The following CUX1 variants were observed in gnomAD, a reference collection of about 807,000 sequenced individuals.
CUX1 encodes the protein cut like homeobox 1, also known as protein CASP.
A neutral mutation model predicts 158.8 loss-of-function variants in CUX1; 31 were observed. That is an observed-to-expected ratio of 0.20 (90% CI 0.15 to 0.26). CUX1 has a LOEUF of 0.26. Ranked by LOEUF, CUX1 falls within the 10% of genes least tolerant of loss-of-function variation. The pLI is 1.00. For synonymous variants in CUX1, 879 were observed against 862.1 expected (o/e 1.02, Z -0.34); for missense variants, 1,589 against 2,014.6 (o/e 0.79, Z 4.04).
chr7:102,219,643 C>T (rs1423810236), intron 20 of CUX1, among the ~76,000 whole-genome samples: 1 of 152,168 alleles, frequency 6.6e-6, no homozygotes, highest in Non-Finnish European at 1.5e-5. Flanking sequence ...CTGGGTACGT[C>T]TCTGATATTC....
At chr7:101,918,881 C>T (rs746208449) in intron 2 of CUX1, among the ~76,000 whole-genome samples, 14 of 152,224 alleles carry the variant, frequency 9.2e-5, no homozygotes, top group Non-Finnish European at 1.3e-4. Context: ...CTCCTGGGTT[C>T]AAGTGATTCT....
chr7:101,966,806 C>T (rs1211376770), intron 2 of CUX1, among the ~76,000 whole-genome samples: 1 of 152,022 alleles, frequency 6.6e-6, no homozygotes, highest in African/African-American at 2.4e-5. Flanking sequence ...CCCTTCTGAT[C>T]AGGTGCACAG....
At chr7:101,983,311 T>C (rs774771254) in intron 2 of CUX1, among the ~76,000 whole-genome samples, 104 of 152,200 alleles carry the variant, frequency 6.8e-4, no homozygotes, top group Non-Finnish European at 1.2e-3. Flanking sequence ...AAGCAGCTAT[T>C]TGCATAAACC....
At chr7:101,826,391 A>G (rs1259949521) in intron 1 of CUX1, among the ~76,000 whole-genome samples, 1 of 151,348 alleles carries the variant, frequency 6.6e-6, no homozygotes, top group African/African-American at 2.4e-5. Context: ...TTTTAGAGAC[A>G]GGGTTTTGCC....
At position 102,255,229 on chromosome 7, in the gene CUX1, C is replaced by G. The variant is rs1349991161; in HGVS notation, c.*6187C>G. On this transcript the variant is annotated 3_prime_UTR_variant, in exon 24 of 24. Transcript: ENST00000292535. ...CCCAGGCCTCTCCCACCACCACCTT[C>G]CCTCCAAAGATAACCGTGTCCATGC... 6 of 985,342 alleles carry G rather than the reference C, an allele frequency of 6.1e-6. No individual in the cohort carries two copies. In the African/African-American group the frequency reaches 8.7e-5, roughly 14 times the overall value. The allele number at this position is 985,342 out of a possible 1,614,324, so 61.0% of individuals were successfully genotyped here.
intron 3 of CUX1, among the ~76,000 whole-genome samples, chr7:102,031,352 C>T (rs973394418): frequency 3.3e-5 from 5 of 152,110 alleles, no homozygotes; most frequent in East Asian, 1.9e-4. Context: ...CATGAGCCAC[C>T]GCGCCTGGCC....
At chr7:102,269,331 C>T (rs1791038884) in intron 14 of CUX1, among the ~76,000 whole-genome samples, 1 of 152,014 alleles carries the variant, frequency 6.6e-6, no homozygotes, top group Non-Finnish European at 1.5e-5. Context: ...TATATAATTC[C>T]ACCCCTGCCC....
intron 14 of CUX1, among the ~76,000 whole-genome samples, chr7:102,268,780 C>T (rs940408188): frequency 9.2e-5 from 14 of 151,586 alleles, no homozygotes; most frequent in Admixed American, 4.0e-4. Flanking sequence ...TGAGACATGG[C>T]GAGGCCAGGA....
intron 20 of CUX1, among the ~76,000 whole-genome samples, chr7:102,213,383 G>A (rs1225646344): frequency 2.0e-5 from 3 of 152,190 alleles, no homozygotes; most frequent in African/African-American, 7.2e-5. Flanking sequence ...AGACTATAGG[G>A]CCTAGGTCAT....
chr7:101,929,253 T>C (rs1180422626), intron 2 of CUX1, among the ~76,000 whole-genome samples: 2 of 152,226 alleles, frequency 1.3e-5, no homozygotes, highest in South Asian at 4.1e-4. Context: ...CCCTAGTTTC[T>C]ACTGCGGACT....
intron 12 of CUX1, among the ~76,000 whole-genome samples, chr7:102,190,918 A>G (rs77689955): frequency 0.065 from 9,903 of 151,278 alleles, 443 homozygotes; most frequent in African/African-American, 0.12. Context: ...TCTTGCTGCT[A>G]TTTTCCATTT....
At chr7:101,863,471 C>G (rs1797668234) in intron 1 of CUX1, among the ~76,000 whole-genome samples, 1 of 152,004 alleles carries the variant, frequency 6.6e-6, no homozygotes. Context: ...CTGCCTCAGC[C>G]TCCCGAGTAG....
intron 1 of CUX1, among the ~76,000 whole-genome samples, chr7:101,877,569 C>T (rs571232361): frequency 2.6e-5 from 4 of 152,272 alleles, no homozygotes; most frequent in East Asian, 3.9e-4. Context: ...CACGTGTAAT[C>T]CCAGCTACTG....
At chr7:102,167,286 GA>G (rs1374540189) in intron 9 of CUX1, among the ~76,000 whole-genome samples, 3 of 151,074 alleles carry the variant, frequency 2.0e-5, no homozygotes, top group Admixed American at 2.0e-4. Flanking sequence ...AAAAAGAAAA[GA>G]AAAGAAAAAG....
chr7:102,204,525 T>C lies in CUX1; in HGVS notation c.3042T>C (p.Val1014=), dbSNP rs1554520557. ...TGAACGGCGAGCTAGGCCAGGGTGT[T>C]CTACCCGTCCAGGGCCAGCAGCAAG... is the stretch of plus-strand genomic sequence containing the variant. ...LWLNGELGQG[V]LPVQGQQQGP... is the part of the protein sequence containing the mutation. The change falls in exon 19 of 24, where the codon GTT becomes GTC. Residue 1014 remains valine, a synonymous_variant. Coordinates refer to ENST00000292535, the MANE Select transcript of CUX1 (RefSeq NM_181552.4). The C allele has an allele frequency of 6.2e-7, 1 of 1,613,578 alleles. No homozygotes were observed. The highest frequency in any genetic ancestry group is 8.5e-7 in the Non-Finnish European group (1 of 1,179,996).
intron 5 of CUX1, among the ~76,000 whole-genome samples, chr7:102,100,581 C>G (rs531124647): frequency 6.6e-6 from 1 of 152,194 alleles, no homozygotes; most frequent in African/African-American, 2.4e-5. Context: ...TCCTCTCCCC[C>G]ACTTCCAAGA....
intron 15 of CUX1, 122 bp downstream of exon 15, chr7:102,197,427 G>A (rs1014567768): frequency 8.2e-7 from 1 of 1,219,636 alleles, no homozygotes; most frequent in Non-Finnish European, 1.2e-6. Flanking sequence ...ATCAGGTAAA[G>A]TTCTCTTTGC....
At chr7:101,889,775 A>C (rs1800664551) in intron 1 of CUX1, among the ~76,000 whole-genome samples, 2 of 152,180 alleles carry the variant, frequency 1.3e-5, no homozygotes, top group Non-Finnish European at 2.9e-5. Flanking sequence ...ATATCTCAAA[A>C]AATAAATAAA....
intron 1 of CUX1, among the ~76,000 whole-genome samples, chr7:101,833,006 C>G (rs1794226505): frequency 6.6e-6 from 1 of 152,148 alleles, no homozygotes. Context: ...GGGAAAGTAA[C>G]TTCGGGGCTG....
Sources: allele counts gnomAD v4.1 joint callset (sites outside exome capture counted in the v4.1 genomes callset), GRCh38; gene constraint gnomAD v4.1.1; transcripts MANE v1.5; gene names NCBI Gene and HGNC (gene_info 2026-07-23, HGNC 2026-07-21).